Variants in C8orf76 observed in about 807,000 individuals in gnomAD.
C8orf76 encodes chromosome 8 open reading frame 76, also known as uncharacterized protein C8orf76.
C8orf76 carries 46 observed loss-of-function variants against 38.1 expected under a neutral mutation model. The observed-to-expected ratio is 1.21, with a 90% CI of 0.95 to 1.54. C8orf76 has a LOEUF of 1.54. C8orf76 is among the 40% of genes most tolerant of loss of function. C8orf76 has a pLI of 0.00. For synonymous variants in C8orf76, 166 were observed against 167.5 expected (o/e 0.99, Z 0.07); for missense variants, 461 against 441.6 (o/e 1.04, Z -0.39).
At chr8:123,225,159 C>T (rs1825001559) in intron 5 of C8orf76, among the ~76,000 whole-genome samples, 1 of 152,152 alleles carries the variant, frequency 6.6e-6, no homozygotes, top group Non-Finnish European at 1.5e-5. Flanking sequence ...GTGCCTGCCA[C>T]CTCAACCGGC....
intron 3 of C8orf76, among the ~76,000 whole-genome samples, chr8:123,235,421 C>T (rs1825429413): frequency 6.6e-6 from 1 of 151,924 alleles, no homozygotes; most frequent in Non-Finnish European, 1.5e-5. Flanking sequence ...CAGATATGGG[C>T]CAGAGCTAGT....
chr8:123,231,431 C>A lies in C8orf76; in HGVS notation c.684G>T (p.Val228=). The change falls in exon 4 of 6, where the codon GTG becomes GTT. Residue 228 remains valine, a synonymous_variant. Transcript: ENST00000276704. ...ETLPESSLFS[V]EANSSNSQKN... ...TCTGGCTATTACTGCTATTCGCTTC[C>A]ACAGAAAATAAAGAGCTCTCAGGCA... The A allele has an allele frequency of 1.2e-6, 2 of 1,614,200 alleles. No homozygotes were observed. Among genetic ancestry groups the A allele is most frequent in the Non-Finnish European group, 1.7e-6 (2 of 1,180,028 alleles).
chr8:123,239,242 A>G, intron 1 of C8orf76, 98 bp from the exon 2 acceptor site: 1 of 1,325,464 alleles, frequency 7.5e-7, no homozygotes, highest in Non-Finnish European at 1.1e-6. Context: ...AAACGTCAAA[A>G]AAAGACTTCT....
chr8:123,241,094 G>A (rs1002222461), intron 1 of C8orf76, 136 bp downstream of exon 1: 2 of 857,006 alleles, frequency 2.3e-6, no homozygotes, highest in Non-Finnish European at 3.3e-6. Flanking sequence ...GAGGAGGGAC[G>A]GCGGGGGACG....
intron 3 of C8orf76, among the ~76,000 whole-genome samples, chr8:123,234,811 A>G (rs1398922737): frequency 6.6e-6 from 1 of 150,530 alleles, no homozygotes; most frequent in African/African-American, 2.4e-5. Context: ...ACAAAAAAAA[A>G]TGTAGCCAGG....
At position 123,226,575 on chromosome 8, in the gene C8orf76, T is replaced by A. The variant is rs778294752; in HGVS notation, c.873A>T (p.Leu291Phe). Reference sequence around the variant, plus strand: ...TATCTTCAATTTCCTGCTGAGTCCTTAAGTTCCTCTCCAAAGCAAACGATG... The same window carrying A: ...TATCTTCAATTTCCTGCTGAGTCCTAAAGTTCCTCTCCAAAGCAAACGATG... ...QQTSFALERNLRTQQEIEDKM... is the reference protein window; with the variant it reads ...QQTSFALERNFRTQQEIEDKM... Residue 291 changes from leucine (L) to phenylalanine (F), a missense_variant, in exon 5 of 6, where the codon TTA becomes TTT. Transcript: ENST00000276704. The A allele has an allele frequency of 1.2e-6, 2 of 1,613,040 alleles. No homozygotes were observed. Among genetic ancestry groups the A allele is most frequent in the Non-Finnish European group, 8.5e-7 (1 of 1,179,798 alleles).
intron 1 of C8orf76, among the ~76,000 whole-genome samples, chr8:123,240,511 T>A (rs376961844): frequency 7.9e-5 from 12 of 152,216 alleles, no homozygotes; most frequent in African/African-American, 1.9e-4. Context: ...TTTACACTCA[T>A]GAAAGAATAG....
intron 4 of C8orf76, among the ~76,000 whole-genome samples, chr8:123,228,336 T>G (rs16898169): frequency 0.013 from 1,989 of 152,180 alleles, 44 homozygotes; most frequent in African/African-American, 0.046. Context: ...AATCACAGGT[T>G]TTGGCCAGGC....
At chr8:123,232,897 T>C (rs557024871) in intron 3 of C8orf76, among the ~76,000 whole-genome samples, 1 of 152,190 alleles carries the variant, frequency 6.6e-6, no homozygotes. Context: ...TAAATCACGT[T>C]TGAGTAATGA....
chr8:123,235,708 C>T (rs1002550790), intron 3 of C8orf76, among the ~76,000 whole-genome samples: 16 of 152,110 alleles, frequency 1.1e-4, no homozygotes, highest in African/African-American at 3.9e-4. Context: ...GACCTGGCAT[C>T]GGCTGATTGG....
Position 123,231,739 on chromosome 8 carries a change from T to C in C8orf76, c.376A>G (p.Thr126Ala). ...TAGAGTACCGTGGTTAAATGGTCTG[T>C]GTTGGTTGCTTTATTTTCCTAAGGA... ...AANLENKATN[T>A]DHLTTVLYLQ... is the part of the protein sequence containing the mutation. The change falls in exon 4 of 6, where the codon ACA becomes GCA. Residue 126 changes from threonine (T) to alanine (A), a missense_variant. Physicochemically the swap from Thr to Ala is moderately conservative, Grantham distance 58. Coordinates refer to ENST00000276704, the MANE Select transcript of C8orf76 (RefSeq NM_032847.3). 3 of 1,581,986 alleles carry C rather than the reference T, an allele frequency of 1.9e-6. No individual in the cohort carries two copies. The highest frequency in any genetic ancestry group is 2.6e-6 in the Non-Finnish European group (3 of 1,170,300).
chr8:123,226,219 AC>A, intron 5 of C8orf76: 2 of 1,282,150 alleles, frequency 1.6e-6, no homozygotes, highest in Non-Finnish European at 2.0e-6. Flanking sequence ...TTTATTCAGC[AC>A]TGAAACAAAC....
intron 5 of C8orf76, chr8:123,226,107 C>T: frequency 3.0e-6 from 3 of 1,015,122 alleles, no homozygotes; most frequent in Non-Finnish European, 3.5e-6. Flanking sequence ...GTCACAAGTT[C>T]TCTGAGCCTC....
chr8:123,233,276 C>CT (rs1825343649), intron 3 of C8orf76, among the ~76,000 whole-genome samples: 1 of 151,842 alleles, frequency 6.6e-6, no homozygotes, highest in African/African-American at 2.4e-5. Flanking sequence ...CCTTCGGCCT[C>CT]TGAAAGTGCT....
intron 4 of C8orf76, among the ~76,000 whole-genome samples, chr8:123,228,656 C>T (rs762631573): frequency 4.0e-5 from 6 of 151,830 alleles, no homozygotes; most frequent in Non-Finnish European, 8.8e-5. Context: ...CACACACACA[C>T]ACACAGGTCT....
chr8:123,220,418 T>C (rs1195864511), intron 5 of C8orf76, 121 bp from the exon 6 acceptor site: 1 of 676,688 alleles, frequency 1.5e-6, no homozygotes. Context: ...CAGGGGACAT[T>C]CCCAACACAT....
At chr8:123,236,376 T>C (rs1373647563) in intron 3 of C8orf76, among the ~76,000 whole-genome samples, 1 of 152,032 alleles carries the variant, frequency 6.6e-6, no homozygotes, top group African/African-American at 2.4e-5. Context: ...ATACAAATAA[T>C]GCCTTAACCT....
In C8orf76 at chr8:123,228,828, C is replaced by T. The variant is rs150042983; in HGVS notation, c.816-2196G>A. ...AATGCCTACTACATACCATGCAGGA[C>T]AATAAGTACTTTAAATACTTTAATT... On this transcript the variant is annotated intron_variant, in intron 4 of 5. Coordinates refer to ENST00000276704, the MANE Select transcript of C8orf76 (RefSeq NM_032847.3). Among the ~76,000 whole-genome samples the T allele has an allele frequency of 2.3e-3, 356 of 152,346 alleles. 1 individual carries two copies. The highest frequency in any genetic ancestry group is 8.2e-3 in the African/African-American group (342 of 41,578).
intron 1 of C8orf76, 43 bp from the exon 2 acceptor site, chr8:123,239,187 T>A (rs1825596609): frequency 6.3e-7 from 1 of 1,586,960 alleles, no homozygotes; most frequent in Non-Finnish European, 8.6e-7. Flanking sequence ...GAGCTATGCT[T>A]TTCCACCTCA....
Sources: gnomAD v4.1 joint callset for allele counts (sites outside exome capture counted in the v4.1 genomes callset) on GRCh38, gnomAD v4.1.1 for gene constraint, MANE v1.5 for transcripts, NCBI Gene and HGNC (gene_info 2026-07-23, HGNC 2026-07-21) for gene names.